Variants in DNAH6 observed in about 807,000 individuals in gnomAD.
DNAH6 encodes dynein axonemal heavy chain 6, also known as axonemal beta dynein heavy chain 6.
A neutral mutation model predicts 491.4 loss-of-function variants in DNAH6; 340 were observed. That is an observed-to-expected ratio of 0.69 (90% CI 0.63 to 0.76). The LOEUF (loss-of-function observed/expected upper bound fraction) is 0.76, where lower values mean the gene tolerates loss of function less well. Ranked by LOEUF, DNAH6 falls within the 30% of genes least tolerant of loss-of-function variation. The pLI is 0.00. For synonymous variants in DNAH6, 1,603 were observed against 1,686.1 expected (o/e 0.95, Z 1.21); for missense variants, 4,443 against 4,972.2 (o/e 0.89, Z 3.20).
intron 38 of DNAH6, 124 bp downstream of exon 38, chr2:84,669,634 C>A: frequency 1.2e-6 from 1 of 825,924 alleles, no homozygotes; most frequent in Non-Finnish European, 1.9e-6. Context: ...AGCACTTTTG[C>A]AGGAAGAATA....
At chr2:84,482,379 A>G in the DNAH6 span, among the ~76,000 whole-genome samples, 1 of 152,250 alleles carries the variant, frequency 6.6e-6, no homozygotes, top group Non-Finnish European at 1.5e-5. Flanking sequence ...CGTTTAAGTC[A>G]TGCTTCCAGG....
chr2:84,817,398 A>G (rs997878945), intron 76 of DNAH6, among the ~76,000 whole-genome samples: 1 of 152,220 alleles, frequency 6.6e-6, no homozygotes, highest in Non-Finnish European at 1.5e-5. Flanking sequence ...ATCTTTCAAA[A>G]GGGAAGTGAA....
In DNAH6 at chr2:84,624,501, C is replaced by A; in HGVS notation, c.4234C>A (p.Leu1412Met). The part of the protein sequence containing the change: ...TVESFDWQRQ[L>M]RYYWDIDLDN... Reference sequence around the variant, plus strand: ...TGAATCTTTTGACTGGCAGAGACAACTGCGCTATTACTGGGATATAGACCT... The same window carrying A: ...TGAATCTTTTGACTGGCAGAGACAAATGCGCTATTACTGGGATATAGACCT... The change falls in exon 28 of 77, where the codon CTG becomes ATG. Residue 1412 changes from leucine to methionine, a missense_variant. By Grantham distance (15) the Leu-to-Met change is conservative. Around this residue, in one of 3 missense-constraint regions of DNAH6, gnomAD observed 2,977 missense variants for 3,296.6 expected, o/e 0.90. Coordinates refer to ENST00000389394, the MANE Select transcript of DNAH6 (RefSeq NM_001370.2). 1 of 1,551,896 alleles carries A rather than the reference C, an allele frequency of 6.4e-7. No individual in the cohort carries two copies. The highest frequency in any genetic ancestry group is 8.7e-7 in the Non-Finnish European group (1 of 1,146,982).
At chr2:84,704,342 A>T in intron 51 of DNAH6, 40 bp downstream of exon 51, 2 of 1,418,916 alleles carry the variant, frequency 1.4e-6, no homozygotes, top group South Asian at 1.3e-5. Context: ...GATACCTGGT[A>T]AGAGTTCTTT....
At chr2:84,662,341 T>G (rs143330965) in intron 37 of DNAH6, among the ~76,000 whole-genome samples, 3,305 of 152,228 alleles carry the variant, frequency 0.022, 53 homozygotes, top group Middle Eastern at 0.099. Context: ...GTTGGGTAAT[T>G]CCCTTTCCTA....
At chr2:84,637,539 A>G (rs1288933130) in intron 31 of DNAH6, among the ~76,000 whole-genome samples, 162 bp downstream of exon 31, 1 of 152,176 alleles carries the variant, frequency 6.6e-6, no homozygotes, top group Non-Finnish European at 1.5e-5. Context: ...TAAGTTCTGC[A>G]TGTTTGTTTG....
intron 62 of DNAH6, among the ~76,000 whole-genome samples, chr2:84,739,470 C>G (rs1233226887): frequency 1.1e-4 from 17 of 152,226 alleles, no homozygotes; most frequent in Admixed American, 8.5e-4. Flanking sequence ...CTCTTCTTCT[C>G]TCTCATGAAT....
At chr2:84,707,773 G>C in intron 54 of DNAH6, 57 bp downstream of exon 54, 1 of 1,398,702 alleles carries the variant, frequency 7.1e-7, no homozygotes. Context: ...CTGGAGCCAG[G>C]GGTGGTTCAT....
chr2:84,535,136 A>T (rs961447359), intron 4 of DNAH6, among the ~76,000 whole-genome samples: 15 of 152,080 alleles, frequency 9.9e-5, no homozygotes, highest in Middle Eastern at 6.8e-3. Context: ...TTGAGTTTTT[A>T]AAAAATTTTA....
intron 14 of DNAH6, among the ~76,000 whole-genome samples, chr2:84,580,354 C>T (rs1415511833): frequency 6.7e-6 from 1 of 149,758 alleles, no homozygotes; most frequent in African/African-American, 2.5e-5. Flanking sequence ...ACACACACTC[C>T]TTTGTCTCTT....
chr2:84,666,512 A>G (rs1692143282), intron 37 of DNAH6, among the ~76,000 whole-genome samples: 1 of 152,188 alleles, frequency 6.6e-6, no homozygotes, highest in South Asian at 2.1e-4. Flanking sequence ...ATTGCTTCAA[A>G]GAGAATAAAA....
intron 20 of DNAH6, among the ~76,000 whole-genome samples, chr2:84,606,588 G>A (rs1004052895): frequency 6.6e-6 from 1 of 152,126 alleles, no homozygotes; most frequent in African/African-American, 2.4e-5. Flanking sequence ...TCATTGGACA[G>A]AAGACAGCTA....
intron 67 of DNAH6, 37 bp downstream of exon 67, chr2:84,785,793 G>C (rs2105240548): frequency 6.9e-7 from 1 of 1,452,840 alleles, no homozygotes; most frequent in Middle Eastern, 1.8e-4. Flanking sequence ...CAACAAGGAA[G>C]TGTATTATGA....
At chr2:84,506,782 T>A in the DNAH6 span, among the ~76,000 whole-genome samples, 6,401 of 152,266 alleles carry the variant, frequency 0.042, 435 homozygotes, top group African/African-American at 0.15. Context: ...GCTTTCTACA[T>A]ATGGCTAGCC....
chr2:84,488,170 A>G, the DNAH6 span, among the ~76,000 whole-genome samples: 1 of 152,322 alleles, frequency 6.6e-6, no homozygotes, highest in East Asian at 1.9e-4. Context: ...CGATGGGAAT[A>G]CTAGGTAGGT....
In DNAH6 at chr2:84,584,044, A is replaced by G; in HGVS notation, c.2275A>G (p.Lys759Glu). ...DEGNIVTQMYKLMEQYQVPTP... is the reference protein window; with the variant it reads ...DEGNIVTQMYELMEQYQVPTP... Reference sequence around the variant, plus strand: ...GGGGAATATAGTGACTCAAATGTACAAGCTTATGGAACAATATCAGGTGCC... The same window carrying G: ...GGGGAATATAGTGACTCAAATGTACGAGCTTATGGAACAATATCAGGTGCC... Residue 759 changes from lysine to glutamate, a missense_variant, in exon 15 of 77, where the codon AAG becomes GAG. By Grantham distance (56) the Lys-to-Glu change is moderately conservative (BLOSUM62 1). Around this residue, in one of 3 missense-constraint regions of DNAH6, gnomAD observed 2,977 missense variants for 3,296.6 expected, o/e 0.90. Transcript: ENST00000389394. 1 of 1,614,186 alleles carries G rather than the reference A, an allele frequency of 6.2e-7. No individual in the cohort carries two copies. The highest frequency in any genetic ancestry group is 8.5e-7 in the Non-Finnish European group (1 of 1,180,024).
intron 62 of DNAH6, among the ~76,000 whole-genome samples, chr2:84,736,437 CA>C (rs1161279533): frequency 6.6e-6 from 1 of 152,064 alleles, no homozygotes; most frequent in Non-Finnish European, 1.5e-5. Context: ...CTTCGGATAG[CA>C]TAGTCATTTT....
chr2:84,576,779 G>A (rs900987287), intron 12 of DNAH6, among the ~76,000 whole-genome samples: 7 of 152,200 alleles, frequency 4.6e-5, no homozygotes, highest in Non-Finnish European at 2.9e-5. Flanking sequence ...GATGTAGGGT[G>A]CAGGAATGGC....
chr2:84,770,301 C>A lies in DNAH6; in HGVS notation c.10703+7356C>A, dbSNP rs968175466. Among the ~76,000 whole-genome samples, 66 of 151,998 alleles carry A rather than the reference C, an allele frequency of 4.3e-4. 1 individual carries two copies. Among genetic ancestry groups the A allele is most frequent in the African/African-American group, 1.5e-3 (61 of 41,382 alleles). On this transcript the variant is annotated intron_variant, in intron 64 of 76. Coordinates refer to ENST00000389394, the MANE Select transcript of DNAH6 (RefSeq NM_001370.2). ...ATTCTAAATGTCTGCTTTTCAACAA[C>A]AAAAAATACAAAGCATCCAAAGACA...
Sources: allele counts gnomAD v4.1 joint callset (sites outside exome capture counted in the v4.1 genomes callset), GRCh38; gene constraint gnomAD v4.1.1; regional missense constraint gnomAD v4.1.1; transcripts MANE v1.5; gene names NCBI Gene and HGNC (gene_info 2026-07-23, HGNC 2026-07-21).